Variants in EPB41L3 observed in about 807,000 individuals in gnomAD.
The protein encoded by EPB41L3 is band 4.1-like protein 3.
In EPB41L3, 57 loss-of-function variants were observed where a neutral mutation model predicts 127.1. That is an observed-to-expected ratio of 0.45 (90% CI 0.36 to 0.56). The LOEUF (loss-of-function observed/expected upper bound fraction) is 0.56. EPB41L3 is among the 20% of genes least tolerant of loss of function. EPB41L3 has a pLI of 0.00. For synonymous variants in EPB41L3, 572 were observed against 549.5 expected (o/e 1.04, Z -0.57); for missense variants, 1,273 against 1,372.2 (o/e 0.93, Z 1.14).
At chr18:5,623,494 T>G (rs2094888160) in intron 1 of EPB41L3, among the ~76,000 whole-genome samples, 1 of 152,192 alleles carries the variant, frequency 6.6e-6, no homozygotes, top group Admixed American at 6.5e-5. Flanking sequence ...GAGGGTGAAT[T>G]TATCCTCTCA....
intron 5 of EPB41L3, among the ~76,000 whole-genome samples, chr18:5,441,706 C>T (rs942825986): frequency 3.9e-5 from 6 of 152,088 alleles, no homozygotes; most frequent in East Asian, 1.9e-4. Context: ...CCTCGTGATC[C>T]GCCCGTCTCG....
intron 1 of EPB41L3, among the ~76,000 whole-genome samples, chr18:5,507,343 G>A (rs547870003): frequency 1.3e-5 from 2 of 152,118 alleles, no homozygotes; most frequent in Non-Finnish European, 2.9e-5. Context: ...AACTTGATAT[G>A]AGCCTTGTCT....
chr18:5,477,011 T>C, intron 3 of EPB41L3, among the ~76,000 whole-genome samples: 1 of 152,228 alleles, frequency 6.6e-6, no homozygotes, highest in Admixed American at 6.5e-5. Context: ...AGACTTTATT[T>C]TCAAAAACCA....
rs2076811002 is a variant in EPB41L3, at chr18:5,416,294, T to A, written c.1591A>T (p.Arg531Trp). ...APTSPTELRR[R>W]CKENDCKLPG... ...AGTTTGCAGTCATTCTCCTTACACC[T>A]CCTACGGAGCTCTGTGGGAGATGTG... Residue 531 changes from arginine to tryptophan, a missense_variant, in exon 13 of 23, where the codon AGG becomes TGG. This residue lies in a region of EPB41L3 where 765 missense variants were observed against 782.9 expected (regional missense o/e 0.98). Transcript: ENST00000341928. 1 of 1,613,760 alleles carries A rather than the reference T, an allele frequency of 6.2e-7. No individual in the cohort carries two copies. Among genetic ancestry groups the A allele is most frequent in the African/African-American group, 1.3e-5 (1 of 74,806 alleles).
intron 2 of EPB41L3, among the ~76,000 whole-genome samples, chr18:5,484,124 GA>G (rs139066726): frequency 6.7e-4 from 52 of 77,922 alleles, no homozygotes; most frequent in Admixed American, 1.5e-3. Flanking sequence ...AAAAAAAACA[GA>G]AAAAAAAAAT....
rs971731136 is a variant in EPB41L3, at chr18:5,406,798, G to C, written c.2328C>G (p.Ile776Met). ...LAARQEDAPM[I>M]EPLVPEETKQ... ...TGACCTCTTCAGGGACAAGTGGTTC[G>C]ATCATGGGGGCATCCTCCTGCCTGG... The change falls in exon 16 of 23, where the codon ATC becomes ATG. Residue 776 changes from isoleucine to methionine, a missense_variant. Ile to Met is a conservative substitution (Grantham distance 10, BLOSUM62 1). This residue lies in a region of EPB41L3 where 765 missense variants were observed against 782.9 expected (regional missense o/e 0.98). Transcript: ENST00000341928. 1.9e-6 allele frequency: 3 copies of C among 1,613,978 alleles called. No individual in the cohort carries two copies. Among genetic ancestry groups the C allele is most frequent in the Non-Finnish European group, 2.5e-6 (3 of 1,180,006 alleles).
At chr18:5,469,672 A>C (rs1186844843) in intron 3 of EPB41L3, among the ~76,000 whole-genome samples, 2 of 152,212 alleles carry the variant, frequency 1.3e-5, no homozygotes, top group African/African-American at 4.8e-5. Context: ...TTCCGGCTGG[A>C]AAAGGAACGT....
intron 13 of EPB41L3, 150 bp from the exon 14 acceptor site, chr18:5,410,769 G>C: frequency 1.6e-6 from 1 of 622,104 alleles, no homozygotes; most frequent in Non-Finnish European, 2.9e-6. Context: ...AAGAACACAA[G>C]TTCAAGCAAA....
chr18:5,456,390 G>C (rs1015249674), intron 3 of EPB41L3, among the ~76,000 whole-genome samples: 1 of 152,138 alleles, frequency 6.6e-6, no homozygotes, highest in Non-Finnish European at 1.5e-5. Flanking sequence ...AAGATGTAAT[G>C]ATATATCATT....
intron 1 of EPB41L3, among the ~76,000 whole-genome samples, chr18:5,499,235 G>C (rs968399321): frequency 2.0e-5 from 3 of 152,154 alleles, no homozygotes; most frequent in African/African-American, 7.2e-5. Context: ...AAGGAGCACA[G>C]CATCAAGAAT....
chr18:5,539,245 GCTTTCT>G (rs750639540), intron 1 of EPB41L3, among the ~76,000 whole-genome samples: 3,060 of 45,588 alleles, frequency 0.067, 64 homozygotes, highest in Middle Eastern at 0.14. Flanking sequence ...AGACCTTTCT[GCTTTCT>G]CTCTCTCTCT....
chr18:5,421,054 G>A (rs1311707056), intron 11 of EPB41L3, among the ~76,000 whole-genome samples: 1 of 152,164 alleles, frequency 6.6e-6, no homozygotes, highest in East Asian at 1.9e-4. Context: ...GCAACATGCA[G>A]CTGTGCCACC....
chr18:5,463,986 A>G (rs1414125001), intron 3 of EPB41L3, among the ~76,000 whole-genome samples: 2 of 151,688 alleles, frequency 1.3e-5, no homozygotes, highest in Non-Finnish European at 2.9e-5. Context: ...CGATCCTTCC[A>G]CTCCAGGGCT....
chr18:5,570,825 G>C (rs1032472247), intron 3 of EPB41L3: 1 of 152,166 alleles, frequency 6.6e-6, no homozygotes, highest in African/African-American at 2.4e-5. Flanking sequence ...TGGCAACGGA[G>C]ATGTGGCAAG....
chr18:5,405,399 G>T (rs7236131), intron 16 of EPB41L3, among the ~76,000 whole-genome samples: 145,117 of 152,272 alleles, frequency 0.95, 69,536 homozygotes, highest in East Asian at 1. Flanking sequence ...AACTACTTTT[G>T]TTGAAACAGA....
At chr18:5,540,530 C>T in intron 1 of EPB41L3, 1 of 985,452 alleles carries the variant, frequency 1.0e-6, no homozygotes, top group Non-Finnish European at 1.2e-6. Context: ...GCACAGAATT[C>T]CCCACAGCCA....
intron 2 of EPB41L3, among the ~76,000 whole-genome samples, chr18:5,481,846 A>C (rs1298649388): frequency 6.6e-6 from 1 of 152,214 alleles, no homozygotes; most frequent in Non-Finnish European, 1.5e-5. Context: ...CTGGGCTTAA[A>C]GGCCACCTAG....
At chr18:5,542,370 C>G (rs1358779140) in intron 1 of EPB41L3, among the ~76,000 whole-genome samples, 1 of 152,170 alleles carries the variant, frequency 6.6e-6, no homozygotes, top group Non-Finnish European at 1.5e-5. Flanking sequence ...TTTTTAAGCA[C>G]TTGGTGTGAC....
At chr18:5,508,660 A>G (rs2092350441) in intron 1 of EPB41L3, among the ~76,000 whole-genome samples, 2 of 150,562 alleles carry the variant, frequency 1.3e-5, no homozygotes, top group Admixed American at 1.3e-4. Flanking sequence ...CCAGCTACTC[A>G]GGAGGCTGAG....
Sources: gnomAD v4.1 joint callset for allele counts (sites outside exome capture counted in the v4.1 genomes callset) on GRCh38, gnomAD v4.1.1 for gene constraint, gnomAD v4.1.1 regional missense constraint, MANE v1.5 for transcripts, NCBI Gene and HGNC (gene_info 2026-07-23, HGNC 2026-07-21) for gene names.